Variants in CNTNAP5 observed in about 807,000 individuals in gnomAD.
CNTNAP5 encodes the protein contactin-associated protein-like 5.
In CNTNAP5, 72 loss-of-function variants were observed where a neutral mutation model predicts 150.2. The ratio of observed to expected loss-of-function variants is 0.48; its 90% CI spans 0.40 to 0.58. CNTNAP5 has a LOEUF of 0.58. Ranked by LOEUF, CNTNAP5 falls within the 20% of genes least tolerant of loss-of-function variation. The pLI is 0.00. For missense variants in CNTNAP5, 1,636 were observed against 1,626.2 expected, an observed-to-expected ratio of 1.01 and a Z score of -0.10; for synonymous variants, 672 against 619.8, an observed-to-expected ratio of 1.08 and a Z score of -1.25.
intron 10 of CNTNAP5, among the ~76,000 whole-genome samples, chr2:124,528,250 G>A (rs374196217): frequency 2.6e-5 from 4 of 152,248 alleles, no homozygotes; most frequent in African/African-American, 9.6e-5. Context: ...TTTCATCTGG[G>A]AATAAATTAG....
intron 1 of CNTNAP5, among the ~76,000 whole-genome samples, chr2:124,060,451 T>TA (rs1476128271): frequency 6.6e-6 from 1 of 152,218 alleles, no homozygotes; most frequent in Non-Finnish European, 1.5e-5. Flanking sequence ...AGCCTACACT[T>TA]ACGTCTGAGA....
intron 13 of CNTNAP5, among the ~76,000 whole-genome samples, chr2:124,667,223 T>C (rs1454919828): frequency 1.3e-5 from 2 of 152,296 alleles, no homozygotes; most frequent in South Asian, 2.1e-4. Context: ...ATAGTCCTGA[T>C]TGATTAGCAC....
intron 14 of CNTNAP5, among the ~76,000 whole-genome samples, chr2:124,751,887 A>G (rs1048331373): frequency 1.3e-5 from 2 of 152,222 alleles, no homozygotes; most frequent in Non-Finnish European, 2.9e-5. Context: ...TCATATTAAC[A>G]TCTCAATAAC....
chr2:124,391,402 T>C (rs963679028), intron 3 of CNTNAP5, among the ~76,000 whole-genome samples: 5 of 152,162 alleles, frequency 3.3e-5, no homozygotes, highest in African/African-American at 1.2e-4. Flanking sequence ...GATAAAGTCG[T>C]CTTTGTGATG....
At chr2:124,067,492 A>C (rs2104660126) in intron 1 of CNTNAP5, among the ~76,000 whole-genome samples, 1 of 152,286 alleles carries the variant, frequency 6.6e-6, no homozygotes, top group South Asian at 2.1e-4. Flanking sequence ...CTATAAGATA[A>C]GTGTAATTGC....
chr2:124,529,952 G>C (rs781215890), intron 10 of CNTNAP5, among the ~76,000 whole-genome samples: 1 of 152,078 alleles, frequency 6.6e-6, no homozygotes, highest in Non-Finnish European at 1.5e-5. Flanking sequence ...GGCCCCAACC[G>C]GGCATCTTAC....
At chr2:124,666,263 A>C (rs1678697744) in intron 13 of CNTNAP5, among the ~76,000 whole-genome samples, 1 of 152,180 alleles carries the variant, frequency 6.6e-6, no homozygotes, top group Non-Finnish European at 1.5e-5. Flanking sequence ...TAGGTGGATT[A>C]AAAGATTCTT....
At chr2:124,768,236 T>C (rs1327664975) in intron 16 of CNTNAP5, among the ~76,000 whole-genome samples, 1 of 151,454 alleles carries the variant, frequency 6.6e-6, no homozygotes, top group Admixed American at 6.6e-5. Flanking sequence ...GCTGAGCTGC[T>C]CAGGGGAAAA....
intron 8 of CNTNAP5, among the ~76,000 whole-genome samples, chr2:124,508,890 A>C (rs796495760): frequency 3.3e-5 from 5 of 152,378 alleles, no homozygotes; most frequent in African/African-American, 1.2e-4. Flanking sequence ...TTTCTGAGGA[A>C]ACTTGTTTTC....
At chr2:124,590,091 C>G (rs999222045) in intron 11 of CNTNAP5, among the ~76,000 whole-genome samples, 1 of 152,226 alleles carries the variant, frequency 6.6e-6, no homozygotes, top group African/African-American at 2.4e-5. Flanking sequence ...TGCCATTCCA[C>G]CTTCTACCAA....
intron 1 of CNTNAP5, among the ~76,000 whole-genome samples, chr2:124,201,180 G>A (rs780988383): frequency 6.6e-6 from 1 of 152,170 alleles, no homozygotes; most frequent in Non-Finnish European, 1.5e-5. Flanking sequence ...TGCTCGACCT[G>A]CAGGTCACCT....
chr2:124,086,617 T>A lies in CNTNAP5; in HGVS notation c.82+60885T>A, dbSNP rs879630378. Among the ~76,000 whole-genome samples, 218 of 151,714 alleles carry A rather than the reference T, an allele frequency of 1.4e-3. 1 individual carries two copies. The highest frequency in any genetic ancestry group is 2.5e-3 in the Non-Finnish European group (169 of 68,000). ...TTTTTGCTCTGAAGATAAGATATAT[T>A]ATCTATATCTTATCTTCTAAGTTTC... On this transcript the variant is annotated intron_variant, in intron 1 of 23. Transcript: ENST00000682447.
chr2:124,747,689 G>A (rs1483715887), intron 14 of CNTNAP5, among the ~76,000 whole-genome samples: 1 of 137,298 alleles, frequency 7.3e-6, no homozygotes, highest in Non-Finnish European at 1.5e-5. Flanking sequence ...TCGCGATCTT[G>A]GCTCACTGCA....
At chr2:124,651,391 T>C (rs1442154077) in intron 13 of CNTNAP5, among the ~76,000 whole-genome samples, 2 of 152,146 alleles carry the variant, frequency 1.3e-5, no homozygotes, top group Non-Finnish European at 2.9e-5. Context: ...CAAAGAAATA[T>C]TTAAATGGCC....
At chr2:124,158,607 C>G (rs1573799734) in intron 1 of CNTNAP5, among the ~76,000 whole-genome samples, 1 of 152,148 alleles carries the variant, frequency 6.6e-6, no homozygotes, top group African/African-American at 2.4e-5. Flanking sequence ...AGGGCTGACT[C>G]TATTTACTTT....
At chr2:124,744,902 T>G (rs1680572937) in intron 13 of CNTNAP5, among the ~76,000 whole-genome samples, 1 of 152,198 alleles carries the variant, frequency 6.6e-6, no homozygotes, top group African/African-American at 2.4e-5. Context: ...AGGGAAAATC[T>G]AGCAATAATC....
chr2:124,871,270 A>ATATT (rs749799468), intron 21 of CNTNAP5, among the ~76,000 whole-genome samples: 16 of 125,816 alleles, frequency 1.3e-4, no homozygotes, highest in South Asian at 2.2e-4. Context: ...ATACATATAC[A>ATATT]TATTTACTTA....
At chr2:124,597,575 A>G (rs1202563346) in intron 11 of CNTNAP5, among the ~76,000 whole-genome samples, 1 of 150,792 alleles carries the variant, frequency 6.6e-6, no homozygotes, top group Non-Finnish European at 1.5e-5. Flanking sequence ...TGCCCTTAAC[A>G]TTTTTTTCCT....
intron 11 of CNTNAP5, among the ~76,000 whole-genome samples, chr2:124,581,554 C>T (rs140085575): frequency 3.5e-4 from 53 of 152,204 alleles, no homozygotes; most frequent in Admixed American, 6.5e-4. Context: ...AGAGTTCAGG[C>T]GGCAGGGACT....
Sources: allele counts gnomAD v4.1 joint callset (sites outside exome capture counted in the v4.1 genomes callset), GRCh38; gene constraint gnomAD v4.1.1; transcripts MANE v1.5; gene names NCBI Gene and HGNC (gene_info 2026-07-23, HGNC 2026-07-21).